ANO2: variants seen among roughly 807,000 people sequenced by gnomAD.
The protein encoded by ANO2 is anoctamin 2, also known as anoctamin-2.
Under a neutral mutation model 124.2 loss-of-function variants are expected in ANO2, and 101 were observed. The observed-to-expected ratio is 0.81, with a 90% confidence interval of 0.69 to 0.96. The LOEUF is 0.96. ANO2 is among the 40% of genes least tolerant of loss of function. The probability of loss-of-function intolerance (pLI) is 0.00; values close to 1 mark genes in which losing one functional copy is unlikely to be tolerated. For synonymous variants in ANO2, 486 were observed against 482.5 expected, an observed-to-expected ratio of 1.01 and a Z score of -0.09; for missense variants, 1,293 against 1,274.5, an observed-to-expected ratio of 1.01 and a Z score of -0.22.
chr12:5,852,286 G>T (rs1403538693), intron 4 of ANO2, among the ~76,000 whole-genome samples: 1 of 152,120 alleles, frequency 6.6e-6, no homozygotes, highest in Non-Finnish European at 1.5e-5. Context: ...CTGAAACTAG[G>T]AGACAAAAAA....
chr12:5,843,901 T>G (rs1321661853), intron 4 of ANO2, among the ~76,000 whole-genome samples: 2 of 152,168 alleles, frequency 1.3e-5, no homozygotes, highest in Non-Finnish European at 2.9e-5. Flanking sequence ...GTAAGAGATA[T>G]AAACCATAGT....
intron 10 of ANO2, among the ~76,000 whole-genome samples, chr12:5,765,438 GAA>G (rs5796186): frequency 6.7e-6 from 1 of 149,476 alleles, no homozygotes; most frequent in East Asian, 1.9e-4. Flanking sequence ...TAATTCAATT[GAA>G]AAAAAAAATT....
intron 10 of ANO2, among the ~76,000 whole-genome samples, chr12:5,792,571 G>A (rs945451212): frequency 1.3e-5 from 2 of 152,154 alleles, no homozygotes; most frequent in Non-Finnish European, 2.9e-5. Flanking sequence ...CTGTGGTGCT[G>A]CATCACATCA....
chr12:5,753,169 G>GTTA (rs1368136854), intron 10 of ANO2, among the ~76,000 whole-genome samples: 2 of 152,078 alleles, frequency 1.3e-5, no homozygotes. Context: ...TGAATTTAAG[G>GTTA]GTTTCAATAT....
intron 14 of ANO2, among the ~76,000 whole-genome samples, chr12:5,675,599 G>A (rs1565553751): frequency 6.6e-6 from 1 of 152,172 alleles, no homozygotes; most frequent in Non-Finnish European, 1.5e-5. Context: ...AGCCACACTT[G>A]TCCTTGGCCT....
chr12:5,669,697 G>A (rs28675917), intron 14 of ANO2, among the ~76,000 whole-genome samples: 1 of 151,972 alleles, frequency 6.6e-6, no homozygotes, highest in East Asian at 1.9e-4. Flanking sequence ...GGAAGTATTG[G>A]TAATTCTTAA....
intron 16 of ANO2, among the ~76,000 whole-genome samples, chr12:5,620,555 G>A (rs1945064129): frequency 1.3e-5 from 2 of 152,144 alleles, no homozygotes; most frequent in Non-Finnish European, 2.9e-5. Flanking sequence ...TTCTATAGGA[G>A]TTGAATTGGA....
chr12:5,788,521 G>A (rs1039919586), intron 10 of ANO2, among the ~76,000 whole-genome samples: 4 of 152,188 alleles, frequency 2.6e-5, no homozygotes, highest in Admixed American at 2.0e-4. Context: ...TCGATGAATA[G>A]ACTGGATTAA....
rs367613973 is a variant in ANO2 at position 5,849,615 on chromosome 12, A to C, written c.633+4428T>G. Among the ~76,000 whole-genome samples, 12 of 152,234 alleles carry C rather than the reference A, an allele frequency of 7.9e-5. No homozygotes were observed. In the East Asian group the frequency reaches 2.1e-3, roughly 27 times the overall value. ...TTTGGAAAACAAATGCTTCCTTCCAAGATTCCCCCTCCCAGTTAATATCTG... is the reference window on the plus strand; with the variant it reads ...TTTGGAAAACAAATGCTTCCTTCCACGATTCCCCCTCCCAGTTAATATCTG... On this transcript the variant is annotated intron_variant, in intron 4 of 24. Transcript: ENST00000682330.
chr12:5,927,955 A>G (rs531293575), intron 1 of ANO2, among the ~76,000 whole-genome samples: 28 of 152,326 alleles, frequency 1.8e-4, no homozygotes, highest in African/African-American at 6.3e-4. Flanking sequence ...GGTAAGAGTG[A>G]GAGAAGCTTG....
At chr12:5,792,885 A>G (rs1214751178) in intron 10 of ANO2, among the ~76,000 whole-genome samples, 1 of 152,154 alleles carries the variant, frequency 6.6e-6, no homozygotes, top group East Asian at 1.9e-4. Context: ...CAGTGTCTGG[A>G]TAATGCAAAA....
intron 23 of ANO2, among the ~76,000 whole-genome samples, chr12:5,574,454 A>T (rs1326979454): frequency 6.6e-6 from 1 of 152,188 alleles, no homozygotes; most frequent in African/African-American, 2.4e-5. Flanking sequence ...ATTGAAATCA[A>T]ATTCATCATA....
At chr12:5,854,398 C>CA (rs56030072) in intron 3 of ANO2, among the ~76,000 whole-genome samples, 53,562 of 76,258 alleles carry the variant, frequency 0.7, 20,058 homozygotes, top group Non-Finnish European at 0.79. Context: ...AGCTTCAGAG[C>CA]AAAAAAAAAA....
intron 8 of ANO2, among the ~76,000 whole-genome samples, chr12:5,806,572 G>A (rs1040555662): frequency 6.6e-6 from 1 of 152,218 alleles, no homozygotes; most frequent in African/African-American, 2.4e-5. Flanking sequence ...CGCATGGCAC[G>A]TGCCCAAGAC....
chr12:5,818,976 A>G (rs1953699621), intron 7 of ANO2, among the ~76,000 whole-genome samples: 3 of 152,194 alleles, frequency 2.0e-5, no homozygotes, highest in Non-Finnish European at 2.9e-5. Flanking sequence ...CCTGAGTGAC[A>G]GTCTTATCTC....
chr12:5,668,970 T>C (rs567711713), intron 14 of ANO2, among the ~76,000 whole-genome samples: 3 of 152,124 alleles, frequency 2.0e-5, no homozygotes, highest in Admixed American at 6.5e-5. Flanking sequence ...AGTTTGAAGT[T>C]GGGTAGCGTG....
At chr12:5,786,598 C>T (rs2137142126) in intron 10 of ANO2, among the ~76,000 whole-genome samples, 1 of 152,294 alleles carries the variant, frequency 6.6e-6, no homozygotes, top group Non-Finnish European at 1.5e-5. Flanking sequence ...GCCCCCCTCA[C>T]TTAAGGAAAC....
intron 10 of ANO2, among the ~76,000 whole-genome samples, chr12:5,783,492 G>A (rs1370784619): frequency 6.6e-6 from 1 of 152,190 alleles, no homozygotes; most frequent in Non-Finnish European, 1.5e-5. Flanking sequence ...ACACAAACAA[G>A]CCAACCCAGC....
chr12:5,778,757 T>C (rs1952301826), intron 10 of ANO2, among the ~76,000 whole-genome samples: 1 of 152,174 alleles, frequency 6.6e-6, no homozygotes, highest in Non-Finnish European at 1.5e-5. Context: ...AAATAAGGTA[T>C]GTGTCATAGG....
Sources: gnomAD v4.1 joint callset for allele counts (sites outside exome capture counted in the v4.1 genomes callset) on GRCh38, gnomAD v4.1.1 for gene constraint, MANE v1.5 for transcripts, NCBI Gene and HGNC (gene_info 2026-07-23, HGNC 2026-07-21) for gene names.